The following WWP2 variants were observed in gnomAD, a reference collection of about 807,000 sequenced individuals.
WWP2 encodes NEDD4-like E3 ubiquitin-protein ligase WWP2.
WWP2 carries 57 observed loss-of-function variants against 121.0 expected under a neutral mutation model. That is an observed-to-expected ratio of 0.47 (90% CI 0.38 to 0.59). The LOEUF is 0.59. WWP2 is among the 20% of genes least tolerant of loss of function. WWP2 has a pLI of 0.00. For missense variants in WWP2, 962 were observed against 1,158.9 expected, an observed-to-expected ratio of 0.83 and a Z score of 2.47; for synonymous variants, 449 against 441.3, an observed-to-expected ratio of 1.02 and a Z score of -0.22.
chr16:69,798,818 G>T lies in WWP2; in HGVS notation c.207G>T (p.Glu69Asp). The T allele has an allele frequency of 6.2e-7, 1 of 1,613,966 alleles. No homozygotes were observed. Among genetic ancestry groups the T allele is most frequent in the Non-Finnish European group, 8.5e-7 (1 of 1,179,970 alleles). The change falls in exon 3 of 24, where the codon GAG (glutamate) becomes GAT (aspartate). Residue 69 changes from glutamate (E) to aspartate (D), a missense_variant. Around this residue, in one of 3 missense-constraint regions of WWP2, gnomAD observed 145 missense variants for 189.8 expected, o/e 0.76. Coordinates refer to ENST00000359154, the MANE Select transcript of WWP2 (RefSeq NM_001270454.2). Reference protein sequence around the residue: ...RIGSSELLWNEIIILNVTAQS... With the variant: ...RIGSSELLWNDIIILNVTAQS... The stretch of plus-strand genomic sequence containing the variant: ...GGAGCTCTGAGCTTCTCTGGAATGA[G>T]ATCATCATTTTGTAAGAGAAAGCCC...
chr16:69,890,624 C>A (rs375217884), intron 8 of WWP2, among the ~76,000 whole-genome samples: 1 of 152,154 alleles, frequency 6.6e-6, no homozygotes, highest in Non-Finnish European at 1.5e-5. Flanking sequence ...TGTTTTCTTT[C>A]CGCTGAGCGA....
Position 69,936,376 on chromosome 16 carries a change from A to C in WWP2, c.2041A>C (p.Lys681Gln). ...CATCCAGGACATGGAGATACTGGGC[A>C]AGGTGACGACCCACGAGCTGAAGGA... ...YFIQDMEILG[K>Q]VTTHELKEGG... Residue 681 changes from lysine (K) to glutamine (Q), a missense_variant, in exon 19 of 24, where the codon AAG becomes CAG. Transcript: ENST00000359154. 1 of 1,614,086 alleles carries C rather than the reference A, an allele frequency of 6.2e-7. No individual in the cohort carries two copies. The highest frequency in any genetic ancestry group is 8.5e-7 in the Non-Finnish European group (1 of 1,180,016).
intron 3 of WWP2, 164 bp downstream of exon 3, chr16:69,798,993 A>G: frequency 7.5e-7 from 1 of 1,330,544 alleles, no homozygotes; most frequent in South Asian, 1.4e-5. Flanking sequence ...TTGAGCTCAT[A>G]GAGCGTTCAT....
intron 2 of WWP2, among the ~76,000 whole-genome samples, chr16:69,795,293 CAT>C (rs1491444669): frequency 5.5e-4 from 82 of 148,752 alleles, no homozygotes; most frequent in African/African-American, 1.6e-3. Flanking sequence ...CACACACACA[CAT>C]ACACAGAGAC....
At chr16:69,788,373 C>G (rs2055836917) in intron 2 of WWP2, among the ~76,000 whole-genome samples, 1 of 152,156 alleles carries the variant, frequency 6.6e-6, no homozygotes, top group Non-Finnish European at 1.5e-5. Flanking sequence ...TCAAACCATT[C>G]AAGGGTGCTC....
At position 69,935,891 on chromosome 16, in the gene WWP2, C is replaced by T. The variant is rs752869572; in HGVS notation, c.1881C>T (p.Thr627=). 1.4e-5 allele frequency: 22 copies of T among 1,614,026 alleles called. No individual in the cohort carries two copies. Among genetic ancestry groups the T allele is most frequent in the East Asian group, 2.2e-5 (1 of 44,864 alleles). The change falls in exon 18 of 24, where the codon ACC becomes ACT. Residue 627 remains threonine (T), a synonymous_variant. Coordinates refer to ENST00000359154, the MANE Select transcript of WWP2 (RefSeq NM_001270454.2). This position sits in a 1 kb window ranked among gnomAD's most constrained non-coding sequence, Gnocchi z 5.2. ...GAAAGTTCATCGACACGGGCTTCAC[C>T]CTCCCTTTCTACAAGCGGATGCTCA... is the stretch of plus-strand genomic sequence containing the variant. ...YHGKFIDTGF[T]LPFYKRMLNK...
intron 2 of WWP2, among the ~76,000 whole-genome samples, chr16:69,791,705 GA>G (rs2055914965): frequency 5.3e-5 from 8 of 152,036 alleles, no homozygotes; most frequent in Admixed American, 4.6e-4. Context: ...TTTTTTTATA[GA>G]GATAGGTCTT....
intron 8 of WWP2, among the ~76,000 whole-genome samples, chr16:69,888,605 G>A (rs901794612): frequency 5.9e-5 from 9 of 152,178 alleles, no homozygotes; most frequent in South Asian, 4.2e-4. Flanking sequence ...GAATTTTATC[G>A]TATCAGCCCA....
chr16:69,931,744 G>T (rs990152878), intron 15 of WWP2, 58 bp from the exon 16 acceptor site: 1 of 1,588,096 alleles, frequency 6.3e-7, no homozygotes, highest in Non-Finnish European at 8.6e-7. Context: ...TGTCCCTCCC[G>T]CCCCTGCCTG....
chr16:69,941,290 C>T lies in WWP2; in HGVS notation c.*1350C>T, dbSNP rs1477265039. ...TCATGGCAGACTCCCGGCCTGGGCC[C>T]CCAGGATTCTAGGACCCCCAGGCAG... On this transcript the variant is annotated 3_prime_UTR_variant, in exon 24 of 24. Coordinates refer to ENST00000359154, the MANE Select transcript of WWP2 (RefSeq NM_001270454.2). 1 of 152,896 alleles carries T rather than the reference C, an allele frequency of 6.5e-6. No individual in the cohort carries two copies. The highest frequency in any genetic ancestry group is 2.0e-4 in the East Asian group (1 of 5,106). The allele number at this position is 152,896 out of a possible 1,614,324, so 9.5% of individuals were successfully genotyped here.
At position 69,869,875 on chromosome 16, in the gene WWP2, C is replaced by T. The variant is rs574455467; in HGVS notation, c.576-1929C>T. Among the ~76,000 whole-genome samples the T allele has an allele frequency of 3.3e-5, 5 of 152,342 alleles. No individual in the cohort carries two copies. The East Asian group carries it at 9.6e-4, about 29-fold the overall frequency. ...GCTTCCTGTTGACTGCCTCAACACA[C>T]TGGACCAAAGACTCCCAGCAGGGTC... On this transcript the variant is annotated intron_variant, in intron 6 of 23. Coordinates refer to ENST00000359154, the MANE Select transcript of WWP2 (RefSeq NM_001270454.2).
intron 8 of WWP2, among the ~76,000 whole-genome samples, chr16:69,899,600 C>T (rs1411443048): frequency 6.6e-6 from 1 of 151,898 alleles, no homozygotes; most frequent in Non-Finnish European, 1.5e-5. Context: ...TGTATTGGTG[C>T]ATGCCTGTAA....
intron 2 of WWP2, among the ~76,000 whole-genome samples, chr16:69,791,310 C>T (rs983033194): frequency 1.3e-5 from 2 of 152,066 alleles, no homozygotes; most frequent in Non-Finnish European, 2.9e-5. Flanking sequence ...TCACTGCAAC[C>T]TCTGCCTCCC....
intron 7 of WWP2, among the ~76,000 whole-genome samples, chr16:69,879,692 G>C (rs934279619): frequency 6.6e-6 from 1 of 152,142 alleles, no homozygotes; most frequent in Non-Finnish European, 1.5e-5. Context: ...GGCTGTACAA[G>C]TATCTGAGCC....
At chr16:69,822,833 A>T (rs1263802722) in intron 4 of WWP2, among the ~76,000 whole-genome samples, 1 of 152,164 alleles carries the variant, frequency 6.6e-6, no homozygotes, top group Non-Finnish European at 1.5e-5. Flanking sequence ...TACTAGCCAT[A>T]TTAAAAATAA....
chr16:69,836,025 A>T (rs550129252), intron 4 of WWP2, among the ~76,000 whole-genome samples: 4 of 151,748 alleles, frequency 2.6e-5, no homozygotes, highest in African/African-American at 9.7e-5. Flanking sequence ...CTGATCTCGA[A>T]CTCCTGGGCT....
intron 4 of WWP2, among the ~76,000 whole-genome samples, chr16:69,825,869 T>C (rs1597008218): frequency 6.6e-6 from 1 of 152,252 alleles, no homozygotes; most frequent in Non-Finnish European, 1.5e-5. Context: ...AGGGATTTTC[T>C]CACCTTGGCC....
At chr16:69,934,193 G>A (rs574908202) in intron 17 of WWP2, 64 bp downstream of exon 17, 1 of 1,584,192 alleles carries the variant, frequency 6.3e-7, no homozygotes, top group East Asian at 2.2e-5. Flanking sequence ...CTCTCCTGGT[G>A]AAGTGTGCCA....
intron 1 of WWP2, among the ~76,000 whole-genome samples, chr16:69,767,006 G>A (rs1035093991): frequency 1.3e-4 from 19 of 151,406 alleles, no homozygotes; most frequent in Admixed American, 5.9e-4. Context: ...TGCCTGCCTC[G>A]GCCTCCCAAA....
Sources: gnomAD v4.1 joint callset for allele counts (sites outside exome capture counted in the v4.1 genomes callset) on GRCh38, gnomAD v4.1.1 for gene constraint, gnomAD v4.1.1 regional missense constraint, Gnocchi (gnomAD v3.1) non-coding constraint, MANE v1.5 for transcripts, NCBI Gene and HGNC (gene_info 2026-07-23, HGNC 2026-07-21) for gene names.